Variants in GSAP observed in about 807,000 individuals in gnomAD.
GSAP encodes gamma-secretase activating protein.
GSAP carries 118 observed loss-of-function variants against 131.7 expected under a neutral mutation model. The observed-to-expected ratio is 0.90, with a 90% confidence interval of 0.77 to 1.04. GSAP has a LOEUF of 1.04. GSAP is among the 50% of genes least tolerant of loss of function. The pLI is 0.00. For synonymous variants in GSAP, 381 were observed against 363.4 expected (o/e 1.05, Z -0.55); for missense variants, 1,019 against 1,013.2 (o/e 1.01, Z -0.08).
In GSAP at chr7:77,374,249, A is replaced by T. The variant is rs967228042; in HGVS notation, c.786-94T>A. On this transcript the variant is annotated intron_variant, in intron 11 of 30. Transcript: ENST00000257626. ...TAACCACTAAATAATATACCCACAG[A>T]AGTAGAAACACATTCCTGAGAAATT... The T allele has an allele frequency of 1.5e-5, 9 of 615,120 alleles. No homozygotes were observed. In the Admixed American group the frequency reaches 2.8e-4, roughly 19 times the overall value. 38.1% of individuals were successfully genotyped at this position (615,120 alleles called of 1,614,324 possible). A position where few individuals can be genotyped will look rare whatever the true frequency, so the allele number is the denominator to read the frequency against.
rs539989728 is a variant in GSAP, at chr7:77,362,734, C to T, written c.872-74G>A. The T allele has an allele frequency of 8.4e-6, 7 of 831,020 alleles. No individual in the cohort carries two copies. In the South Asian group the frequency reaches 8.8e-5, roughly 10 times the overall value. 51.5% of individuals were successfully genotyped at this position (831,020 alleles called of 1,614,324 possible). A position where few individuals can be genotyped will look rare whatever the true frequency, so the allele number is the denominator to read the frequency against. On this transcript the variant is annotated intron_variant, in intron 12 of 30. Transcript: ENST00000257626. ...AATAAAGTTTCCTAAACCACTTAAACTTACTTCTATTCCTTTAGATGTCCT... is the reference window on the plus strand; with the variant it reads ...AATAAAGTTTCCTAAACCACTTAAATTTACTTCTATTCCTTTAGATGTCCT...
At chr7:77,389,031 C>CA (rs1798995332) in intron 5 of GSAP, among the ~76,000 whole-genome samples, 1 of 151,916 alleles carries the variant, frequency 6.6e-6, no homozygotes, top group Admixed American at 6.5e-5. Flanking sequence ...CTTGATGACT[C>CA]AAAAAATGGC....
Position 77,330,087 on chromosome 7 carries a change from C to G in GSAP, c.1674+152G>C, listed in dbSNP as rs1788869336. The stretch of plus-strand genomic sequence containing the variant: ...GAGAACAGAGATCATAGAAGCATCT[C>G]TGCCCATTGAGATCAGTAATGACAA... On this transcript the variant is annotated intron_variant, in intron 20 of 30. Transcript: ENST00000257626. The G allele has an allele frequency of 3.4e-6, 3 of 887,474 alleles. No individual in the cohort carries two copies. The South Asian group carries it at 6.4e-5, about 19-fold the overall frequency. The allele number at this position is 887,474 out of a possible 1,614,324, so 55.0% of individuals were successfully genotyped here.
At chr7:77,312,328 G>A (rs1276707751) in intron 28 of GSAP, 126 bp from the exon 29 acceptor site, 5 of 560,462 alleles carry the variant, frequency 8.9e-6, no homozygotes. Flanking sequence ...GGCCCTTGAT[G>A]ATTAAGGACC....
intron 12 of GSAP, among the ~76,000 whole-genome samples, chr7:77,369,146 T>G (rs1040974541): frequency 1.3e-5 from 2 of 152,030 alleles, no homozygotes; most frequent in African/African-American, 4.8e-5. Context: ...GAAGGAGAAT[T>G]TACACACTTC....
intron 19 of GSAP, among the ~76,000 whole-genome samples, chr7:77,338,131 C>T (rs1328785581): frequency 6.6e-6 from 1 of 152,116 alleles, no homozygotes; most frequent in Non-Finnish European, 1.5e-5. Context: ...TACCACTGCA[C>T]TCCAGCCTGG....
At chr7:77,337,660 G>A (rs1412914484) in intron 19 of GSAP, among the ~76,000 whole-genome samples, 1 of 152,180 alleles carries the variant, frequency 6.6e-6, no homozygotes, top group East Asian at 1.9e-4. Flanking sequence ...CCCAGTCTCT[G>A]AGTCAGGTAA....
intron 19 of GSAP, among the ~76,000 whole-genome samples, chr7:77,347,503 G>A (rs1328300184): frequency 6.6e-6 from 1 of 152,094 alleles, no homozygotes. Flanking sequence ...GTTTTTCTGT[G>A]TTGATGATTA....
At chr7:77,369,868 C>T (rs1350245092) in intron 12 of GSAP, among the ~76,000 whole-genome samples, 5 of 151,776 alleles carry the variant, frequency 3.3e-5, no homozygotes. Context: ...TGGCTTGTTT[C>T]ATCTTAAATC....
chr7:77,410,063 G>A (rs192115168), intron 1 of GSAP, among the ~76,000 whole-genome samples: 1 of 152,162 alleles, frequency 6.6e-6, no homozygotes, highest in East Asian at 1.9e-4. Flanking sequence ...GTACAGCCAG[G>A]GTTAAGAACC....
intron 10 of GSAP, among the ~76,000 whole-genome samples, chr7:77,376,114 C>T (rs1446232578): frequency 2.0e-5 from 3 of 152,170 alleles, no homozygotes; most frequent in Admixed American, 1.3e-4. Flanking sequence ...ACCATCCTCA[C>T]AAGTCCTTTT....
chr7:77,317,433 G>A (rs1787000683), intron 26 of GSAP, among the ~76,000 whole-genome samples: 1 of 152,090 alleles, frequency 6.6e-6, no homozygotes, highest in Non-Finnish European at 1.5e-5. Flanking sequence ...TGTAAATGAC[G>A]AGTTAATAGG....
intron 19 of GSAP, among the ~76,000 whole-genome samples, chr7:77,345,533 G>C (rs1479935308): frequency 6.6e-6 from 1 of 152,190 alleles, no homozygotes; most frequent in Non-Finnish European, 1.5e-5. Flanking sequence ...AGGAAGTGAA[G>C]AATCACAAAA....
rs4727366 is a variant in GSAP, at chr7:77,360,861, C to G, written c.990G>C (p.Gly330=). The change falls in exon 14 of 31, where the codon GGG becomes GGC. Residue 330 remains glycine, a synonymous_variant. Coordinates refer to ENST00000257626, the MANE Select transcript of GSAP (RefSeq NM_017439.4). ...KTFTTSLENV[G]SHMTKGITFL... Reference sequence around the variant, plus strand: ...AAGTAATGCCCTTTGTCATGTGTGACCCAACATTCTCAAGAGAAGTGGTGA... The same window carrying G: ...AAGTAATGCCCTTTGTCATGTGTGAGCCAACATTCTCAAGAGAAGTGGTGA... 0.26 allele frequency: 409,570 copies of G among 1,594,408 alleles called. 57,194 individuals are homozygous for G. The highest frequency in any genetic ancestry group is 0.52 in the African/African-American group (38,298 of 74,316).
chr7:77,401,088 C>T (rs1220766214), intron 3 of GSAP, among the ~76,000 whole-genome samples: 8 of 151,218 alleles, frequency 5.3e-5, no homozygotes, highest in Non-Finnish European at 1.0e-4. Flanking sequence ...CTCAGAGATC[C>T]GGGTGACTGT....
intron 23 of GSAP, among the ~76,000 whole-genome samples, chr7:77,324,064 C>T (rs1228693437): frequency 6.6e-6 from 1 of 152,120 alleles, no homozygotes; most frequent in African/African-American, 2.4e-5. Context: ...TGGGATCTAC[C>T]AAAGGATTAA....
chr7:77,349,339 T>C lies in GSAP; in HGVS notation c.1545+12A>G. The C allele has an allele frequency of 6.3e-7, 1 of 1,596,038 alleles. No homozygotes were observed. The highest frequency in any genetic ancestry group is 8.6e-7 in the Non-Finnish European group (1 of 1,163,728). On this transcript the variant is annotated intron_variant, in intron 19 of 30. Transcript: ENST00000257626. ...GTATCTGTACTTTTGTTTCTTGCTG[T>C]AAGGGACCTACCTTCATAAGAGGCA...
At chr7:77,313,008 C>A (rs1794577744) in intron 28 of GSAP, among the ~76,000 whole-genome samples, 1 of 152,094 alleles carries the variant, frequency 6.6e-6, no homozygotes, top group Non-Finnish European at 1.5e-5. Context: ...TTCATAGTAT[C>A]TCTCACTCTA....
intron 17 of GSAP, among the ~76,000 whole-genome samples, chr7:77,353,248 A>G (rs577064949): frequency 6.6e-6 from 1 of 152,250 alleles, no homozygotes; most frequent in Admixed American, 6.5e-5. Context: ...CCCAAATGAC[A>G]TTATATCATT....
Sources: gnomAD v4.1 joint callset for allele counts (sites outside exome capture counted in the v4.1 genomes callset) on GRCh38, gnomAD v4.1.1 for gene constraint, MANE v1.5 for transcripts, NCBI Gene and HGNC (gene_info 2026-07-23, HGNC 2026-07-21) for gene names.